SGIP1: variants seen among roughly 807,000 people sequenced by gnomAD.
SGIP1 encodes the protein SH3GL interacting endocytic adaptor 1.
SGIP1 carries 38 observed loss-of-function variants against 107.5 expected under a neutral mutation model. The ratio of observed to expected loss-of-function variants is 0.35; its 90% CI spans 0.27 to 0.46. SGIP1 has a LOEUF of 0.46. Among genes scored for constraint, SGIP1 ranks in the 20% least tolerant of loss-of-function variants. The probability of loss-of-function intolerance (pLI) is 1.00; values close to 1 mark genes in which losing one functional copy is unlikely to be tolerated. For missense variants in SGIP1, 929 were observed against 1,019.5 expected, an observed-to-expected ratio of 0.91 and a Z score of 1.21; for synonymous variants, 365 against 366.1, an observed-to-expected ratio of 1.00 and a Z score of 0.03.
chr1:66,644,640 T>C (rs17129246), intron 7 of SGIP1, among the ~76,000 whole-genome samples: 1,943 of 152,260 alleles, frequency 0.013, 48 homozygotes, highest in African/African-American at 0.044. Context: ...TCAGGAAACA[T>C]CTCAACTAAC....
chr1:66,568,926 C>G (rs1453748283), intron 1 of SGIP1, among the ~76,000 whole-genome samples: 1 of 151,802 alleles, frequency 6.6e-6, no homozygotes, highest in African/African-American at 2.4e-5. Flanking sequence ...CCCCATATAG[C>G]ACAGAGCATG....
Position 66,555,080 on chromosome 1 carries a change from T to C in SGIP1, c.10+20712T>C, listed in dbSNP as rs577754493. Among the ~76,000 whole-genome samples, 4 of 152,252 alleles carry C rather than the reference T, an allele frequency of 2.6e-5. No individual in the cohort carries two copies. In the South Asian group the frequency reaches 8.3e-4, roughly 32 times the overall value. ...GTGCTCTATTCAGAATGCCTCTCCGTATTTTTCTTCCCCTGTTTCTGTCAC... is the reference window on the plus strand; with the variant it reads ...GTGCTCTATTCAGAATGCCTCTCCGCATTTTTCTTCCCCTGTTTCTGTCAC... On this transcript the variant is annotated intron_variant, in intron 1 of 24. Coordinates refer to ENST00000371037, the MANE Select transcript of SGIP1 (RefSeq NM_032291.4).
intron 21 of SGIP1, among the ~76,000 whole-genome samples, chr1:66,735,136 A>G (rs1445566723): frequency 1.3e-5 from 2 of 151,846 alleles, no homozygotes; most frequent in Non-Finnish European, 2.9e-5. Flanking sequence ...CCACTACCTC[A>G]GCCTCTGGTA....
intron 1 of SGIP1, among the ~76,000 whole-genome samples, chr1:66,607,470 T>A (rs1570509556): frequency 6.6e-6 from 1 of 151,836 alleles, no homozygotes. Flanking sequence ...AGCGGTGGAG[T>A]GGGTTTGGCT....
intron 18 of SGIP1, among the ~76,000 whole-genome samples, chr1:66,717,066 A>T (rs1019682976): frequency 2.0e-5 from 3 of 152,132 alleles, no homozygotes; most frequent in African/African-American, 4.8e-5. Flanking sequence ...ACTTTCCCTG[A>T]CCTATACAAG....
At chr1:66,717,465 C>T (rs1276570565) in intron 18 of SGIP1, among the ~76,000 whole-genome samples, 1 of 152,086 alleles carries the variant, frequency 6.6e-6, no homozygotes, top group African/African-American at 2.4e-5. Context: ...ATCATCCAGG[C>T]TGGGTTTTAG....
intron 1 of SGIP1, among the ~76,000 whole-genome samples, chr1:66,554,547 C>T (rs753120444): frequency 2.6e-5 from 4 of 152,106 alleles, no homozygotes; most frequent in Non-Finnish European, 5.9e-5. Flanking sequence ...CACCTAACCT[C>T]ATATGATAGG....
intron 18 of SGIP1, among the ~76,000 whole-genome samples, chr1:66,699,291 G>A (rs2091510542): frequency 8.5e-5 from 13 of 152,124 alleles, no homozygotes; most frequent in Admixed American, 8.5e-4. Context: ...AAGCCTTCCT[G>A]ATTGTGAGAG....
chr1:66,662,939 A>C (rs1488624937), intron 8 of SGIP1, among the ~76,000 whole-genome samples: 1 of 152,214 alleles, frequency 6.6e-6, no homozygotes, highest in Non-Finnish European at 1.5e-5. Context: ...CTTATTATGT[A>C]TGATACAAAT....
intron 2 of SGIP1, among the ~76,000 whole-genome samples, chr1:66,630,423 C>T (rs1176551543): frequency 1.3e-5 from 2 of 152,120 alleles, no homozygotes; most frequent in Non-Finnish European, 2.9e-5. Flanking sequence ...ACTTCTCTCC[C>T]AGCTCCATTA....
intron 16 of SGIP1, 106 bp from the exon 17 acceptor site, chr1:66,690,084 C>A: frequency 1.5e-6 from 2 of 1,312,180 alleles, no homozygotes; most frequent in Non-Finnish European, 2.1e-6. Flanking sequence ...ATCTATTCTT[C>A]AGATACCTAA....
chr1:66,617,387 G>A (rs988687449), intron 1 of SGIP1, among the ~76,000 whole-genome samples: 1 of 152,086 alleles, frequency 6.6e-6, no homozygotes, highest in African/African-American at 2.4e-5. Context: ...AACTTCTGAT[G>A]ACAAAGAATC....
At chr1:66,652,715 C>G (rs2079000843) in intron 7 of SGIP1, among the ~76,000 whole-genome samples, 1 of 151,868 alleles carries the variant, frequency 6.6e-6, no homozygotes, top group Non-Finnish European at 1.5e-5. Context: ...CCTGTCCTCA[C>G]TTCAGCAGAA....
At chr1:66,654,677 CA>C (rs1445293026) in intron 7 of SGIP1, among the ~76,000 whole-genome samples, 1 of 152,026 alleles carries the variant, frequency 6.6e-6, no homozygotes, top group Admixed American at 6.6e-5. Context: ...TTAATTATGT[CA>C]AAAAATTTTT....
intron 19 of SGIP1, among the ~76,000 whole-genome samples, chr1:66,727,756 G>C (rs940565175): frequency 6.6e-6 from 1 of 152,108 alleles, no homozygotes; most frequent in Non-Finnish European, 1.5e-5. Context: ...ATTATGTGCA[G>C]TGAAAGAAAC....
chr1:66,602,974 C>T (rs2066152496), intron 1 of SGIP1, among the ~76,000 whole-genome samples: 1 of 152,110 alleles, frequency 6.6e-6, no homozygotes, highest in Admixed American at 6.5e-5. Context: ...TAGTTATTAC[C>T]TGTGGGAAAC....
chr1:66,743,235 T>A lies in SGIP1; in HGVS notation c.*140T>A, dbSNP rs2094510220. The stretch of plus-strand genomic sequence containing the variant: ...AGGTGGAAAGTCAATGACTTTCATC[T>A]GTGATTTCCCTCACACACTACCATG... On this transcript the variant is annotated 3_prime_UTR_variant, in exon 25 of 25. Transcript: ENST00000371037. The A allele has an allele frequency of 1.3e-6, 1 of 759,530 alleles. No homozygotes were observed. The highest frequency in any genetic ancestry group is 1.7e-5 in the South Asian group (1 of 59,344). 47.0% of individuals were successfully genotyped at this position (759,530 alleles called of 1,614,324 possible).
At chr1:66,630,507 A>G (rs72669451) in intron 2 of SGIP1, among the ~76,000 whole-genome samples, 21,703 of 151,838 alleles carry the variant, frequency 0.14, 1,610 homozygotes, top group African/African-American at 0.18. Flanking sequence ...AGTCCTAGTA[A>G]GAAATACTCA....
intron 1 of SGIP1, among the ~76,000 whole-genome samples, chr1:66,616,319 G>C (rs915152136): frequency 3.3e-5 from 5 of 152,126 alleles, no homozygotes; most frequent in Admixed American, 2.0e-4. Context: ...TGAGGCTCCT[G>C]TAAGTGTCAT....
Sources: gnomAD v4.1 joint callset for allele counts (sites outside exome capture counted in the v4.1 genomes callset) on GRCh38, gnomAD v4.1.1 for gene constraint, MANE v1.5 for transcripts, NCBI Gene and HGNC (gene_info 2026-07-23, HGNC 2026-07-21) for gene names.